STARD13: variants seen among roughly 807,000 people sequenced by gnomAD.
STARD13 encodes the protein stAR-related lipid transfer protein 13.
Under a neutral mutation model 106.4 loss-of-function variants are expected in STARD13, and 62 were observed. That is an observed-to-expected ratio of 0.58 (90% confidence interval 0.48 to 0.72). The LOEUF (loss-of-function observed/expected upper bound fraction) is 0.72. STARD13 is among the 30% of genes least tolerant of loss of function. The probability of loss-of-function intolerance (pLI) is 0.00; values close to 1 mark genes in which losing one functional copy is unlikely to be tolerated. For synonymous variants in STARD13, 565 were observed against 553.0 expected (o/e 1.02, Z -0.31); for missense variants, 1,387 against 1,424.0 (o/e 0.97, Z 0.42).
chr13:33,573,986 A>G, the STARD13 span, among the ~76,000 whole-genome samples: 3 of 152,230 alleles, frequency 2.0e-5, no homozygotes, highest in Non-Finnish European at 4.4e-5. Flanking sequence ...TAAAGATAAA[A>G]TTAAAAAGAA....
chr13:33,531,493 C>T, the STARD13 span, among the ~76,000 whole-genome samples: 2 of 152,204 alleles, frequency 1.3e-5, no homozygotes, highest in African/African-American at 2.4e-5. Flanking sequence ...TTGATAGCTA[C>T]TTTGCCATGG....
At chr13:33,503,228 TC>T in the STARD13 span, among the ~76,000 whole-genome samples, 4 of 152,182 alleles carry the variant, frequency 2.6e-5, no homozygotes. Context: ...AGTGGTGATA[TC>T]CCCTTTATCA....
the STARD13 span, among the ~76,000 whole-genome samples, chr13:33,371,003 AGATC>A: frequency 6.6e-6 from 1 of 152,206 alleles, no homozygotes; most frequent in African/African-American, 2.4e-5. Flanking sequence ...CTCACAATCA[AGATC>A]AATTCACTTC....
chr13:33,562,650 A>G, the STARD13 span, among the ~76,000 whole-genome samples: 3 of 146,822 alleles, frequency 2.0e-5, no homozygotes, highest in Non-Finnish European at 4.5e-5. Context: ...TAGGTCCTCA[A>G]TCTATGTTTG....
At chr13:33,531,793 A>G in the STARD13 span, among the ~76,000 whole-genome samples, 1,793 of 152,284 alleles carry the variant, frequency 0.012, 44 homozygotes, top group African/African-American at 0.04. Context: ...AATCTATTAC[A>G]TCTGTATCTT....
the STARD13 span, among the ~76,000 whole-genome samples, chr13:33,385,868 A>AC: frequency 4.6e-5 from 7 of 151,304 alleles, no homozygotes; most frequent in East Asian, 3.9e-4. Context: ...AAAAAACAAA[A>AC]AAAAAAAAAT....
At chr13:33,215,159 C>T (rs1045927352) in intron 1 of STARD13, among the ~76,000 whole-genome samples, 4 of 150,900 alleles carry the variant, frequency 2.7e-5, no homozygotes, top group African/African-American at 9.8e-5. Context: ...TCTCACTGAG[C>T]CTGCTAGTCT....
At chr13:33,417,437 A>G in the STARD13 span, among the ~76,000 whole-genome samples, 1 of 152,256 alleles carries the variant, frequency 6.6e-6, no homozygotes, top group Admixed American at 6.5e-5. Flanking sequence ...CCCACAAGAA[A>G]TAGAAACATG....
At chr13:33,243,676 G>A (rs1889669041) in intron 1 of STARD13, among the ~76,000 whole-genome samples, 1 of 152,172 alleles carries the variant, frequency 6.6e-6, no homozygotes, top group Admixed American at 6.5e-5. Context: ...AGGGAGTGGT[G>A]GAGATGGGTG....
At chr13:33,235,942 A>G (rs1889167298) in intron 1 of STARD13, among the ~76,000 whole-genome samples, 1 of 152,236 alleles carries the variant, frequency 6.6e-6, no homozygotes, top group Non-Finnish European at 1.5e-5. Flanking sequence ...CTAATCTCAC[A>G]GTTTGAATGA....
intron 7 of STARD13, among the ~76,000 whole-genome samples, chr13:33,123,094 A>AT (rs1209107856): frequency 6.8e-6 from 1 of 146,812 alleles, no homozygotes; most frequent in Non-Finnish European, 1.5e-5. Flanking sequence ...GGACTCAAGG[A>AT]TAATTTCACT....
chr13:33,212,272 T>A (rs1759503338), intron 1 of STARD13, among the ~76,000 whole-genome samples: 1 of 152,218 alleles, frequency 6.6e-6, no homozygotes, highest in African/African-American at 2.4e-5. Context: ...CACAAACTCA[T>A]AAATGAAAAC....
intron 1 of STARD13, among the ~76,000 whole-genome samples, chr13:33,177,973 G>GA (rs1346368023): frequency 7.3e-5 from 1 of 13,626 alleles, no homozygotes; most frequent in Non-Finnish European, 1.2e-4. Flanking sequence ...AGGAAGGAAG[G>GA]AAGGAAGGAA....
chr13:33,425,179 C>G, the STARD13 span, among the ~76,000 whole-genome samples: 11,094 of 152,214 alleles, frequency 0.073, 892 homozygotes, highest in East Asian at 0.3. Flanking sequence ...TTTCATGGTG[C>G]CTTCTTTCAC....
Position 33,106,749 on chromosome 13 carries a change from A to C in STARD13, c.3224+9T>G, listed in dbSNP as rs1281127332. ...ATCTGAGCCTGCCATTAAGGGAGTC[A>C]GCACTTACTTCAGGTCTATCCTGCA... On this transcript the variant is annotated intron_variant, in intron 13 of 13. Coordinates refer to ENST00000336934, the MANE Select transcript of STARD13 (RefSeq NM_178006.4). 3.8e-6 allele frequency: 6 copies of C among 1,599,244 alleles called. No individual in the cohort carries two copies. In the South Asian group the frequency reaches 5.6e-5, roughly 15 times the overall value.
the STARD13 span, among the ~76,000 whole-genome samples, chr13:33,525,737 G>A: frequency 6.6e-6 from 1 of 152,088 alleles, no homozygotes; most frequent in Non-Finnish European, 1.5e-5. Context: ...GCGGAAGCAG[G>A]AAAGGCTGGA....
intron 1 of STARD13, among the ~76,000 whole-genome samples, chr13:33,212,793 A>G (rs2138143401): frequency 6.6e-6 from 1 of 152,374 alleles, no homozygotes; most frequent in South Asian, 2.1e-4. Flanking sequence ...CTAAACAGGT[A>G]TGACAATCTG....
chr13:33,120,268 TCCA>T (rs770376073), intron 7 of STARD13, among the ~76,000 whole-genome samples: 4 of 152,266 alleles, frequency 2.6e-5, no homozygotes. Context: ...TCCTCTTTTG[TCCA>T]CCGTGTCTTG....
the STARD13 span, among the ~76,000 whole-genome samples, chr13:33,369,435 C>T: frequency 7.2e-5 from 11 of 152,240 alleles, no homozygotes; most frequent in East Asian, 3.9e-4. Flanking sequence ...GTGCACTTGA[C>T]GTTAGTTACC....
Sources: allele counts gnomAD v4.1 joint callset (sites outside exome capture counted in the v4.1 genomes callset), GRCh38; gene constraint gnomAD v4.1.1; transcripts MANE v1.5; gene names NCBI Gene and HGNC (gene_info 2026-07-23, HGNC 2026-07-21).